Variants in NTRK2 observed in about 807,000 individuals in gnomAD.
NTRK2 encodes neurotrophic receptor tyrosine kinase 2.
In NTRK2, 13 loss-of-function variants were observed where a neutral mutation model predicts 94.5. The observed-to-expected ratio is 0.14, with a 90% CI of 0.09 to 0.22. The LOEUF (loss-of-function observed/expected upper bound fraction) is 0.22. Ranked by LOEUF, NTRK2 falls within the 10% of genes least tolerant of loss-of-function variation. The probability of loss-of-function intolerance (pLI) is 1.00; values close to 1 mark genes in which losing one functional copy is unlikely to be tolerated. For missense variants in NTRK2, 639 were observed against 1,071.2 expected (o/e 0.60, Z 5.63); for synonymous variants, 372 against 407.4 (o/e 0.91, Z 1.05).
At chr9:84,970,508 G>A (rs1164131711) in intron 17 of NTRK2, among the ~76,000 whole-genome samples, 1 of 152,178 alleles carries the variant, frequency 6.6e-6, no homozygotes, top group African/African-American at 2.4e-5. Flanking sequence ...TTATATGTCA[G>A]CTGTCATTAT....
intron 12 of NTRK2, 124 bp downstream of exon 12, chr9:84,752,209 T>C: frequency 1.3e-6 from 1 of 780,326 alleles, no homozygotes; most frequent in Middle Eastern, 2.3e-4. Context: ...GCTAAAAAAA[T>C]AGCAACAAGG....
chr9:84,793,006 A>T (rs2068887606), intron 12 of NTRK2, among the ~76,000 whole-genome samples: 1 of 152,170 alleles, frequency 6.6e-6, no homozygotes, highest in Non-Finnish European at 1.5e-5. Context: ...CATCACCATC[A>T]TTATCATCAG....
chr9:84,922,390 C>T (rs984802166), intron 14 of NTRK2, among the ~76,000 whole-genome samples: 3 of 152,230 alleles, frequency 2.0e-5, no homozygotes, highest in African/African-American at 7.2e-5. Flanking sequence ...TTCTAATACC[C>T]TTAACCCAGT....
chr9:84,815,314 G>A (rs1276310061), intron 12 of NTRK2: 1 of 1,048,660 alleles, frequency 9.5e-7, no homozygotes. Context: ...GGTTTTTATG[G>A]GGAAAAAAAG....
At chr9:84,866,829 T>C (rs1171742402) in intron 13 of NTRK2, among the ~76,000 whole-genome samples, 2 of 152,196 alleles carry the variant, frequency 1.3e-5, no homozygotes, top group African/African-American at 4.8e-5. Flanking sequence ...CACCAACAGA[T>C]GAATGGATAA....
chr9:84,860,469 T>C (rs1431828268), intron 12 of NTRK2, among the ~76,000 whole-genome samples: 2 of 152,128 alleles, frequency 1.3e-5, no homozygotes, highest in Non-Finnish European at 2.9e-5. Flanking sequence ...TTTCCCTCCC[T>C]CCTGAATCTC....
intron 12 of NTRK2, among the ~76,000 whole-genome samples, chr9:84,828,215 A>G (rs770563145): frequency 6.6e-6 from 1 of 152,228 alleles, no homozygotes; most frequent in African/African-American, 2.4e-5. Flanking sequence ...GGAAAAGTCT[A>G]GAGATGTTTG....
chr9:84,754,071 G>A (rs763057655), intron 12 of NTRK2, among the ~76,000 whole-genome samples: 1 of 152,104 alleles, frequency 6.6e-6, no homozygotes, highest in Non-Finnish European at 1.5e-5. Context: ...CAGCACTAAC[G>A]CTGAAACAGT....
chr9:84,873,666 G>A (rs974297641), intron 14 of NTRK2: 4 of 1,055,304 alleles, frequency 3.8e-6, no homozygotes, highest in Non-Finnish European at 4.6e-6. Flanking sequence ...TGTAAGCCAT[G>A]TTATTATAAG....
rs1833002587 is a variant in NTRK2 at position 85,025,744 on chromosome 9, A to G, written c.*4307A>G. On this transcript the variant is annotated 3_prime_UTR_variant, in exon 19 of 19. Coordinates refer to ENST00000277120, the MANE Select transcript of NTRK2 (RefSeq NM_006180.6). ...CAATGTTGACCTTTGGTTTGGCCAT[A>G]TATCACTGTTATAGGAAATCTCATG... The G allele has an allele frequency of 4.3e-6, 1 of 233,148 alleles. No individual in the cohort carries two copies. 14.4% of individuals were successfully genotyped at this position (233,148 alleles called of 1,614,324 possible).
chr9:84,807,648 A>G (rs2071277463), intron 12 of NTRK2, among the ~76,000 whole-genome samples: 1 of 152,218 alleles, frequency 6.6e-6, no homozygotes, highest in African/African-American at 2.4e-5. Context: ...AACCCACAAG[A>G]TGTTCAGCCA....
intron 9 of NTRK2, among the ~76,000 whole-genome samples, chr9:84,734,252 A>T (rs2063095404): frequency 6.6e-6 from 1 of 152,230 alleles, no homozygotes; most frequent in Non-Finnish European, 1.5e-5. Flanking sequence ...CTGACACATG[A>T]TAGGCAGGTG....
rs1016864587 is a variant in NTRK2 at position 84,761,743 on chromosome 9, C to T, written c.1396+9658C>T. Among the ~76,000 whole-genome samples, 8 of 152,132 alleles carry T rather than the reference C, an allele frequency of 5.3e-5. No individual in the cohort carries two copies. The South Asian group carries it at 8.3e-4, about 16-fold the overall frequency. Reference sequence around the variant, plus strand: ...ATCCCTGACTATACCTTCAAATGTGCGGTCATCTCCAGAAAATATTGCCTC... The same window carrying T: ...ATCCCTGACTATACCTTCAAATGTGTGGTCATCTCCAGAAAATATTGCCTC... On this transcript the variant is annotated intron_variant, in intron 12 of 18. Coordinates refer to ENST00000277120, the MANE Select transcript of NTRK2 (RefSeq NM_006180.6).
At chr9:84,785,035 C>T (rs1206274539) in intron 12 of NTRK2, among the ~76,000 whole-genome samples, 2 of 152,154 alleles carry the variant, frequency 1.3e-5, no homozygotes, top group Non-Finnish European at 2.9e-5. Context: ...TTGGGAACTA[C>T]AGAGAGAAAC....
chr9:84,698,318 C>T (rs532174713), intron 2 of NTRK2, among the ~76,000 whole-genome samples: 4 of 151,982 alleles, frequency 2.6e-5, no homozygotes, highest in Non-Finnish European at 5.9e-5. Context: ...TACAATTTTG[C>T]TTATCTTCTT....
intron 16 of NTRK2, among the ~76,000 whole-genome samples, chr9:84,951,538 T>C (rs1229082447): frequency 6.7e-6 from 1 of 149,020 alleles, no homozygotes; most frequent in Non-Finnish European, 1.5e-5. Context: ...TGTCTGTACA[T>C]ACATGAATGT....
At chr9:84,978,439 T>C (rs959636076) in intron 17 of NTRK2, among the ~76,000 whole-genome samples, 1 of 152,202 alleles carries the variant, frequency 6.6e-6, no homozygotes, top group African/African-American at 2.4e-5. Flanking sequence ...GCTCTAACTC[T>C]ATTCAATTCT....
In NTRK2 at chr9:84,676,960, A is replaced by AGTGTGTGTGT. The variant is rs58789627; in HGVS notation, c.212+6013_212+6022dup. On this transcript the variant is annotated intron_variant, in intron 2 of 18. Transcript: ENST00000277120. ...TTTTCTGTTTAGCTTACTGTGTGTG[A>AGTGTGTGTGT]GTGTGTGTGTGTGTGTGTGTGTTAA... Among the ~76,000 whole-genome samples, 73 of 150,092 alleles carry AGTGTGTGTGT rather than the reference A, an allele frequency of 4.9e-4. No individual in the cohort carries two copies. In the East Asian group the frequency reaches 0.014, roughly 28 times the overall value.
At chr9:84,990,940 T>C (rs1016677964) in intron 17 of NTRK2, among the ~76,000 whole-genome samples, 4 of 152,108 alleles carry the variant, frequency 2.6e-5, no homozygotes, top group African/African-American at 9.7e-5. Flanking sequence ...CTTTTAAAAT[T>C]ATTGAAGAGG....
Sources: gnomAD v4.1 joint callset for allele counts (sites outside exome capture counted in the v4.1 genomes callset) on GRCh38, gnomAD v4.1.1 for gene constraint, MANE v1.5 for transcripts, NCBI Gene and HGNC (gene_info 2026-07-23, HGNC 2026-07-21) for gene names.